The following FIRRM variants were observed in gnomAD, a reference collection of about 807,000 sequenced individuals.
The protein encoded by FIRRM is FIGNL1-interacting regulator of recombination and mitosis.
chr1:169,813,634 CT>C, the FIRRM span, among the ~76,000 whole-genome samples: 1 of 152,174 alleles, frequency 6.6e-6, no homozygotes, highest in African/African-American at 2.4e-5. Context: ...AGTAATTGCA[CT>C]TTGGAGCATT....
At chr1:169,801,056 T>G in the FIRRM span, 1 of 661,962 alleles carries the variant, frequency 1.5e-6, no homozygotes, top group Non-Finnish European at 2.6e-6. Flanking sequence ...GGCTCTCTTT[T>G]TCTAATATAT....
chr1:169,798,938 A>G, the FIRRM span: 25 of 1,339,512 alleles, frequency 1.9e-5, no homozygotes, highest in African/African-American at 2.8e-4. Flanking sequence ...CAACATTCTG[A>G]CAGTTGGATT....
chr1:169,803,324 A>G, the FIRRM span: 5 of 1,612,166 alleles, frequency 3.1e-6, no homozygotes, highest in South Asian at 4.4e-5. Context: ...GTAAAGGTCT[A>G]ATTATACTTT....
chr1:169,829,379 T>G, the FIRRM span: 5 of 1,613,940 alleles, frequency 3.1e-6, no homozygotes, highest in Non-Finnish European at 4.2e-6. Context: ...GCTGTCACCT[T>G]GTATCAGCAT....
chr1:169,852,979 C>G, the FIRRM span: 1 of 1,613,744 alleles, frequency 6.2e-7, no homozygotes, highest in Non-Finnish European at 8.5e-7. Context: ...CATACATACT[C>G]TAGGGTGAAA....
the FIRRM span, chr1:169,795,829 G>C: frequency 1.1e-6 from 1 of 941,792 alleles, no homozygotes; most frequent in Non-Finnish European, 1.2e-6. Flanking sequence ...TCTCACCCAG[G>C]CTGGAGTCTT....
At chr1:169,798,421 C>T in the FIRRM span, among the ~76,000 whole-genome samples, 1 of 152,064 alleles carries the variant, frequency 6.6e-6, no homozygotes, top group Admixed American at 6.6e-5. Context: ...GTGTGCGCCA[C>T]CATGCCCAGC....
chr1:169,842,173 T>TAA, the FIRRM span, among the ~76,000 whole-genome samples: 1 of 137,084 alleles, frequency 7.3e-6, no homozygotes. Flanking sequence ...AGATGCCATC[T>TAA]CAAAAAAAAA....
At chr1:169,840,317 A>G in the FIRRM span, among the ~76,000 whole-genome samples, 1 of 152,082 alleles carries the variant, frequency 6.6e-6, no homozygotes, top group African/African-American at 2.4e-5. Flanking sequence ...TTTGGGCAGT[A>G]TGGCCATTTT....
the FIRRM span, chr1:169,830,606 C>A: frequency 8.0e-7 from 1 of 1,255,802 alleles, no homozygotes; most frequent in Non-Finnish European, 1.2e-6. Flanking sequence ...TTAATGTCCT[C>A]ATCAGAATAT....
the FIRRM span, among the ~76,000 whole-genome samples, chr1:169,846,891 C>G: frequency 1.3e-5 from 2 of 152,148 alleles, no homozygotes; most frequent in Non-Finnish European, 1.5e-5. Flanking sequence ...CTTTTCACCT[C>G]TCTTGACTTT....
At chr1:169,813,861 G>T in the FIRRM span, among the ~76,000 whole-genome samples, 1 of 152,150 alleles carries the variant, frequency 6.6e-6, no homozygotes, top group African/African-American at 2.4e-5. Flanking sequence ...ACTGGTTTCC[G>T]GTTACAGCAG....
chr1:169,804,775 C>T, the FIRRM span, among the ~76,000 whole-genome samples: 6 of 152,108 alleles, frequency 3.9e-5, no homozygotes, highest in African/African-American at 7.2e-5. Context: ...CCTCGCCTCC[C>T]GGACTCAAGC....
chr1:169,818,910 C>T, the FIRRM span, among the ~76,000 whole-genome samples: 2 of 152,106 alleles, frequency 1.3e-5, no homozygotes, highest in Admixed American at 6.6e-5. Flanking sequence ...TGGTCTTGAA[C>T]TCCTGACCCC....
the FIRRM span, chr1:169,805,942 T>G: frequency 2.2e-6 from 2 of 901,960 alleles, no homozygotes; most frequent in Non-Finnish European, 3.5e-6. Flanking sequence ...GTTTTAATTA[T>G]AGGAGAAACT....
At chr1:169,806,221 T>A in the FIRRM span, 5 of 599,924 alleles carry the variant, frequency 8.3e-6, no homozygotes, top group Non-Finnish European at 1.4e-5. Flanking sequence ...TGCTGTCTGA[T>A]AATCCAGATA....
the FIRRM span, chr1:169,847,595 C>T: frequency 1.2e-6 from 1 of 867,020 alleles, no homozygotes; most frequent in South Asian, 1.7e-5. Context: ...TTTTGTTTCC[C>T]CTCCCCACAT....
chr1:169,853,710 T>C, the FIRRM span: 1,701 of 1,613,498 alleles, frequency 1.1e-3, 3 homozygotes, highest in Non-Finnish European at 1.3e-3. Flanking sequence ...CTCACATCTA[T>C]TGTCACCAGT....
At chr1:169,838,155 T>A in the FIRRM span, among the ~76,000 whole-genome samples, 1 of 152,128 alleles carries the variant, frequency 6.6e-6, no homozygotes, top group Non-Finnish European at 1.5e-5. Context: ...GCCAGGCAGG[T>A]CACGAACTCC....
Sources: gnomAD v4.1 joint callset for allele counts (sites outside exome capture counted in the v4.1 genomes callset) on GRCh38, gnomAD v4.1.1 for gene constraint, MANE v1.5 for transcripts, NCBI Gene and HGNC (gene_info 2026-07-23, HGNC 2026-07-21) for gene names.